The following PKN2 variants were observed in gnomAD, a reference collection of about 807,000 sequenced individuals.
PKN2 encodes the protein protein kinase N2.
PKN2 carries 38 observed loss-of-function variants against 119.1 expected under a neutral mutation model. The ratio of observed to expected loss-of-function variants is 0.32; its 90% confidence interval spans 0.25 to 0.42. The LOEUF (loss-of-function observed/expected upper bound fraction) is 0.42, where lower values mean the gene tolerates loss of function less well. Ranked by LOEUF, PKN2 falls within the 10% of genes least tolerant of loss-of-function variation. The pLI is 1.00. For missense variants in PKN2, 850 were observed against 1,165.1 expected, an observed-to-expected ratio of 0.73 and a Z score of 3.94; for synonymous variants, 390 against 384.9, an observed-to-expected ratio of 1.01 and a Z score of -0.15.
At chr1:88,783,092 G>C (rs1670418960) in intron 6 of PKN2, among the ~76,000 whole-genome samples, 2 of 152,198 alleles carry the variant, frequency 1.3e-5, no homozygotes, top group Non-Finnish European at 2.9e-5. Flanking sequence ...CTGGCTGGTG[G>C]TAACAAACAC....
At chr1:88,737,489 G>A (rs1227917367) in intron 1 of PKN2, among the ~76,000 whole-genome samples, 1 of 152,140 alleles carries the variant, frequency 6.6e-6, no homozygotes, top group Non-Finnish European at 1.5e-5. Context: ...GTGCTGCCTA[G>A]GGTTGGAAGA....
chr1:88,765,921 C>T (rs1409162550), intron 3 of PKN2, among the ~76,000 whole-genome samples: 3 of 152,192 alleles, frequency 2.0e-5, no homozygotes, highest in Admixed American at 1.3e-4. Flanking sequence ...AAGTGATTCT[C>T]GTGCCTCAGC....
At chr1:88,769,956 A>G (rs1669815355) in intron 3 of PKN2, among the ~76,000 whole-genome samples, 1 of 152,234 alleles carries the variant, frequency 6.6e-6, no homozygotes, top group African/African-American at 2.4e-5. Context: ...AGGTACACAT[A>G]AACATACACA....
intron 2 of PKN2, among the ~76,000 whole-genome samples, chr1:88,747,537 C>T (rs760631987): frequency 1.3e-5 from 2 of 152,066 alleles, no homozygotes; most frequent in Non-Finnish European, 2.9e-5. Flanking sequence ...ACCTGACACT[C>T]GTTTGAGAAA....
rs138354530 is a variant in PKN2 at position 88,824,936 on chromosome 1, A to T, written c.2419+550A>T. 2.5e-3 allele frequency among the ~76,000 whole-genome samples: 374 copies of T among 152,328 alleles called. 1 individual carries two copies. Among genetic ancestry groups the T allele is most frequent in the African/African-American group, 8.7e-3 (362 of 41,592 alleles). On this transcript the variant is annotated intron_variant, in intron 18 of 21. Transcript: ENST00000370521. ...GCCACTATTTGCTGTTTGTCTTTGG[A>T]AAACTTAGTTTTAACCTCTTTGAGT... is the stretch of plus-strand genomic sequence containing the variant.
chr1:88,717,157 GA>G (rs1667488539), intron 1 of PKN2, among the ~76,000 whole-genome samples: 1 of 152,168 alleles, frequency 6.6e-6, no homozygotes, highest in South Asian at 2.1e-4. Flanking sequence ...TTTCTGCCAA[GA>G]GATCAGCTGT....
At chr1:88,799,956 G>A (rs1011477657) in intron 8 of PKN2, among the ~76,000 whole-genome samples, 4 of 152,162 alleles carry the variant, frequency 2.6e-5, no homozygotes, top group East Asian at 1.9e-4. Flanking sequence ...ATCATCGCTC[G>A]TGTACACGTT....
chr1:88,730,038 G>A (rs999888496), intron 1 of PKN2, among the ~76,000 whole-genome samples: 2 of 151,986 alleles, frequency 1.3e-5, no homozygotes, highest in Admixed American at 6.6e-5. Context: ...GGTGGTGGGC[G>A]CCTGTAGTCC....
intron 1 of PKN2, among the ~76,000 whole-genome samples, chr1:88,703,995 T>G (rs962981682): frequency 6.6e-6 from 1 of 152,166 alleles, no homozygotes; most frequent in East Asian, 1.9e-4. Context: ...TAAAGAGATA[T>G]AATTGACATA....
chr1:88,748,419 G>A (rs1403541487), intron 2 of PKN2, among the ~76,000 whole-genome samples: 2 of 152,126 alleles, frequency 1.3e-5, no homozygotes, highest in East Asian at 3.9e-4. Context: ...GTGTGTATCA[G>A]TAGTTCATTT....
At chr1:88,759,903 C>T (rs1368676300) in intron 2 of PKN2, among the ~76,000 whole-genome samples, 2 of 152,170 alleles carry the variant, frequency 1.3e-5, no homozygotes, top group African/African-American at 4.8e-5. Context: ...CAGAGGGGTT[C>T]ATAGCCAAAT....
chr1:88,747,469 C>T (rs1668815285), intron 2 of PKN2, among the ~76,000 whole-genome samples: 1 of 152,076 alleles, frequency 6.6e-6, no homozygotes, highest in Non-Finnish European at 1.5e-5. Context: ...CTAAATGTAC[C>T]TTATGAAAAA....
At chr1:88,777,737 C>T (rs112721148) in intron 6 of PKN2, among the ~76,000 whole-genome samples, 6 of 152,302 alleles carry the variant, frequency 3.9e-5, no homozygotes, top group African/African-American at 1.2e-4. Context: ...AACACTAGTT[C>T]AGGTCGTGCT....
At position 88,829,293 on chromosome 1, in the gene PKN2, A is replaced by C. The variant is rs114726614; in HGVS notation, c.2562+670A>C. On this transcript the variant is annotated intron_variant, in intron 19 of 21. Transcript: ENST00000370521. ...GAAACCAATGAGGTCAATTTGAGAG[A>C]GATACCTTCACATGTGCTATCAAAA... 1.5e-3 allele frequency: 965 copies of C among 628,294 alleles called. 4 individuals are homozygous for C. The highest frequency in any genetic ancestry group is 0.014 in the African/African-American group (782 of 55,260). The allele number at this position is 628,294 out of a possible 1,614,324, so 38.9% of individuals were successfully genotyped here.
rs1014168842 is a variant in PKN2 at position 88,833,070 on chromosome 1, A to C, written c.2671-7A>C. On this transcript the variant is annotated splice_region_variant and splice_polypyrimidine_tract_variant and intron_variant, in intron 20 of 21. Coordinates refer to ENST00000370521, the MANE Select transcript of PKN2 (RefSeq NM_006256.4). ...TATTTTAACTTTTTTATTTTACATTATGCTAGCTGTTAAGAAGAAATCCTG... is the reference window on the plus strand; with the variant it reads ...TATTTTAACTTTTTTATTTTACATTCTGCTAGCTGTTAAGAAGAAATCCTG... 1 of 1,605,358 alleles carries C rather than the reference A, an allele frequency of 6.2e-7. No homozygotes were observed. Among genetic ancestry groups the C allele is most frequent in the Non-Finnish European group, 8.5e-7 (1 of 1,174,992 alleles).
intron 1 of PKN2, among the ~76,000 whole-genome samples, chr1:88,726,205 C>G (rs780964006): frequency 2.0e-5 from 3 of 152,096 alleles, no homozygotes; most frequent in Admixed American, 6.6e-5. Flanking sequence ...GATAGAATGT[C>G]TGATATTGCA....
chr1:88,718,594 AGT>A, intron 1 of PKN2, among the ~76,000 whole-genome samples: 1 of 152,372 alleles, frequency 6.6e-6, no homozygotes, highest in African/African-American at 2.4e-5. Context: ...AAATATACCA[AGT>A]AACATGGCAT....
chr1:88,791,505 T>C (rs1570636784), intron 8 of PKN2, among the ~76,000 whole-genome samples: 1 of 151,862 alleles, frequency 6.6e-6, no homozygotes, highest in East Asian at 1.9e-4. Context: ...AAATGACTAA[T>C]GGAAAATAAA....
At chr1:88,801,518 G>T (rs1162304297) in intron 8 of PKN2, among the ~76,000 whole-genome samples, 1 of 152,114 alleles carries the variant, frequency 6.6e-6, no homozygotes. Context: ...AACCATGCTG[G>T]ATGTTAGGAT....
Sources: allele counts gnomAD v4.1 joint callset (sites outside exome capture counted in the v4.1 genomes callset), GRCh38; gene constraint gnomAD v4.1.1; transcripts MANE v1.5; gene names NCBI Gene and HGNC (gene_info 2026-07-23, HGNC 2026-07-21).